The following PTPRM variants were observed in gnomAD, a reference collection of about 807,000 sequenced individuals.
PTPRM encodes the protein protein tyrosine phosphatase receptor type M.
PTPRM carries 47 observed loss-of-function variants against 186.7 expected under a neutral mutation model. That is an observed-to-expected ratio of 0.25 (90% confidence interval 0.20 to 0.32). The LOEUF is 0.32. Among genes scored for constraint, PTPRM ranks in the 10% least tolerant of loss-of-function variants. The pLI is 1.00. For missense variants in PTPRM, 1,494 were observed against 1,865.0 expected, an observed-to-expected ratio of 0.80 and a Z score of 3.66; for synonymous variants, 668 against 674.9, an observed-to-expected ratio of 0.99 and a Z score of 0.16.
chr18:7,973,610 T>G (rs75560968), intron 7 of PTPRM, among the ~76,000 whole-genome samples: 21 of 152,278 alleles, frequency 1.4e-4, no homozygotes, highest in African/African-American at 4.8e-4. Flanking sequence ...ATTTGTCATA[T>G]GTTTTCAAAA....
intron 19 of PTPRM, among the ~76,000 whole-genome samples, chr18:8,278,447 A>C (rs1381500730): frequency 6.6e-6 from 1 of 152,234 alleles, no homozygotes; most frequent in Admixed American, 6.5e-5. Flanking sequence ...GAAAGTGAAG[A>C]GGCATTTTGC....
intron 2 of PTPRM, among the ~76,000 whole-genome samples, chr18:7,828,644 A>G (rs1472656494): frequency 6.6e-6 from 1 of 152,178 alleles, no homozygotes; most frequent in African/African-American, 2.4e-5. Context: ...TGTGCAGTAC[A>G]TCTGTGTGAA....
intron 1 of PTPRM, among the ~76,000 whole-genome samples, chr18:7,711,031 G>A (rs559633844): frequency 1.3e-5 from 2 of 152,180 alleles, no homozygotes; most frequent in Non-Finnish European, 2.9e-5. Flanking sequence ...GGGTTGGGGG[G>A]GAATCTCTCA....
intron 7 of PTPRM, among the ~76,000 whole-genome samples, chr18:7,966,437 T>C (rs1201542276): frequency 6.6e-6 from 1 of 152,130 alleles, no homozygotes; most frequent in Non-Finnish European, 1.5e-5. Flanking sequence ...ATTGAAACCC[T>C]TTCTAGAAGG....
At chr18:7,921,866 A>G (rs1225036239) in intron 4 of PTPRM, among the ~76,000 whole-genome samples, 1 of 152,114 alleles carries the variant, frequency 6.6e-6, no homozygotes, top group Non-Finnish European at 1.5e-5. Context: ...ATCTTGTTCA[A>G]GTCAGTCACT....
At chr18:7,735,928 T>G (rs2040761066) in intron 1 of PTPRM, among the ~76,000 whole-genome samples, 1 of 152,074 alleles carries the variant, frequency 6.6e-6, no homozygotes. Context: ...CTTTGAATCC[T>G]TCTTTGACCT....
intron 3 of PTPRM, among the ~76,000 whole-genome samples, chr18:7,894,892 A>G (rs540197531): frequency 6.6e-6 from 1 of 152,336 alleles, no homozygotes; most frequent in East Asian, 1.9e-4. Flanking sequence ...AAATATTAAT[A>G]TAAGTTTCAT....
chr18:7,999,465 G>C (rs1170933367), intron 7 of PTPRM, among the ~76,000 whole-genome samples: 2 of 151,994 alleles, frequency 1.3e-5, no homozygotes, highest in Non-Finnish European at 2.9e-5. Context: ...AGTCCTTTGA[G>C]AAAGCAAGCC....
intron 3 of PTPRM, among the ~76,000 whole-genome samples, chr18:7,906,104 C>T (rs977187500): frequency 6.6e-6 from 1 of 152,116 alleles, no homozygotes; most frequent in Non-Finnish European, 1.5e-5. Flanking sequence ...GGAGAGGTAA[C>T]CCCAAAGCCT....
intron 22 of PTPRM, among the ~76,000 whole-genome samples, chr18:8,330,700 C>A (rs114991291): frequency 0.015 from 2,168 of 149,386 alleles, 56 homozygotes; most frequent in African/African-American, 0.05. Flanking sequence ...CTGTTCCCCT[C>A]TTTACAGCAT....
At chr18:7,850,534 A>G (rs1019667859) in intron 2 of PTPRM, among the ~76,000 whole-genome samples, 9 of 152,206 alleles carry the variant, frequency 5.9e-5, no homozygotes, top group South Asian at 4.1e-4. Context: ...GTTTTTGGAA[A>G]ACTCAAAGAG....
chr18:7,655,207 T>G (rs1345823517), intron 1 of PTPRM, among the ~76,000 whole-genome samples: 1 of 152,124 alleles, frequency 6.6e-6, no homozygotes, highest in South Asian at 2.1e-4. Flanking sequence ...TTTCTTTCTT[T>G]CTTTTTTCAC....
chr18:8,207,485 A>G (rs1411109495), intron 14 of PTPRM, among the ~76,000 whole-genome samples: 1 of 152,232 alleles, frequency 6.6e-6, no homozygotes, highest in Non-Finnish European at 1.5e-5. Context: ...GATGGTGCAC[A>G]TTTCATTAAG....
chr18:7,825,650 A>C (rs1325396300), intron 2 of PTPRM, among the ~76,000 whole-genome samples: 1 of 152,124 alleles, frequency 6.6e-6, no homozygotes, highest in Non-Finnish European at 1.5e-5. Flanking sequence ...GCAGCTCATT[A>C]TGTTATCCCT....
chr18:8,350,521 C>A (rs1346435162), intron 23 of PTPRM, among the ~76,000 whole-genome samples: 2 of 152,184 alleles, frequency 1.3e-5, no homozygotes, highest in South Asian at 4.1e-4. Flanking sequence ...AAACCGATAA[C>A]CCCCATAAAG....
At chr18:7,824,060 C>T (rs906358046) in intron 2 of PTPRM, among the ~76,000 whole-genome samples, 2 of 152,174 alleles carry the variant, frequency 1.3e-5, no homozygotes, top group African/African-American at 4.8e-5. Context: ...CCCTCTCTAA[C>T]GTGCATATCT....
At chr18:8,079,597 C>T (rs1479420867) in intron 9 of PTPRM, among the ~76,000 whole-genome samples, 2 of 151,938 alleles carry the variant, frequency 1.3e-5, no homozygotes, top group Non-Finnish European at 2.9e-5. Flanking sequence ...CATTTTATTA[C>T]AAGAATAAAA....
intron 14 of PTPRM, among the ~76,000 whole-genome samples, chr18:8,222,950 T>C (rs1188385654): frequency 6.6e-6 from 1 of 152,214 alleles, no homozygotes; most frequent in African/African-American, 2.4e-5. Context: ...TAGGCTAGTG[T>C]GGTGGCTCAC....
At chr18:7,830,374 A>C (rs1387387248) in intron 2 of PTPRM, among the ~76,000 whole-genome samples, 1 of 152,206 alleles carries the variant, frequency 6.6e-6, no homozygotes, top group African/African-American at 2.4e-5. Context: ...ATTTACAGAC[A>C]TGCACCACTT....
Sources: allele counts gnomAD v4.1 joint callset (sites outside exome capture counted in the v4.1 genomes callset), GRCh38; gene constraint gnomAD v4.1.1; transcripts MANE v1.5; gene names NCBI Gene and HGNC (gene_info 2026-07-23, HGNC 2026-07-21).